SORCS3: variants seen among roughly 807,000 people sequenced by gnomAD.
SORCS3 encodes the protein VPS10 domain-containing receptor SorCS3.
Under a neutral mutation model 146.3 loss-of-function variants are expected in SORCS3, and 57 were observed. That is an observed-to-expected ratio of 0.39 (90% CI 0.31 to 0.49). The LOEUF is 0.49. SORCS3 is among the 20% of genes least tolerant of loss of function. The pLI, the probability that SORCS3 is intolerant of heterozygous loss-of-function variation, is 0.92. For synonymous variants in SORCS3, 653 were observed against 618.5 expected, an observed-to-expected ratio of 1.06 and a Z score of -0.83; for missense variants, 1,341 against 1,575.5, an observed-to-expected ratio of 0.85 and a Z score of 2.52.
intron 2 of SORCS3, among the ~76,000 whole-genome samples, chr10:104,906,837 C>A (rs1564710511): frequency 6.6e-6 from 1 of 152,170 alleles, no homozygotes; most frequent in Non-Finnish European, 1.5e-5. Flanking sequence ...CTTGGATACA[C>A]TTTTGTTTGA....
chr10:105,147,774 A>G lies in SORCS3; in HGVS notation c.1460A>G (p.Asn487Ser), dbSNP rs372314833. The G allele has an allele frequency of 6.2e-7, 1 of 1,612,246 alleles. No homozygotes were observed. Among genetic ancestry groups the G allele is most frequent in the South Asian group, 1.1e-5 (1 of 90,904 alleles). ...AAGAGCAGCAGAGGTCTAATGGGGA[A>G]CATCATTATTGAATTGTATGAGGTA... ...NIKSSRGLMG[N>S]IIIELYEVAG... The change falls in exon 9 of 27, where the codon AAC becomes AGC. Residue 487 changes from asparagine (N) to serine (S), a missense_variant. Physicochemically the swap from Asn to Ser is conservative, Grantham distance 46. Coordinates refer to ENST00000369701, the MANE Select transcript of SORCS3 (RefSeq NM_014978.3).
At chr10:105,118,781 T>C (rs1478825969) in intron 7 of SORCS3, among the ~76,000 whole-genome samples, 3 of 152,162 alleles carry the variant, frequency 2.0e-5, no homozygotes, top group African/African-American at 7.2e-5. Flanking sequence ...TGGAGATCTG[T>C]GGAACTTTGA....
At chr10:104,690,823 C>G (rs529723463) in intron 1 of SORCS3, among the ~76,000 whole-genome samples, 20 of 48,702 alleles carry the variant, frequency 4.1e-4, no homozygotes, top group African/African-American at 8.0e-4. Flanking sequence ...CAGGCAAGAC[C>G]CTGATAGCAA....
At chr10:104,907,335 G>T (rs1206217116) in intron 2 of SORCS3, among the ~76,000 whole-genome samples, 1 of 152,108 alleles carries the variant, frequency 6.6e-6, no homozygotes, top group Non-Finnish European at 1.5e-5. Context: ...TGCCTGATAG[G>T]TTAGAGTTTT....
At chr10:104,914,120 C>T (rs765741495) in intron 2 of SORCS3, among the ~76,000 whole-genome samples, 23 of 152,254 alleles carry the variant, frequency 1.5e-4, no homozygotes, top group Non-Finnish European at 2.6e-4. Flanking sequence ...AAATAACTTG[C>T]ACATGGTCAT....
At chr10:105,087,120 G>A (rs1261055740) in intron 5 of SORCS3, among the ~76,000 whole-genome samples, 5 of 152,164 alleles carry the variant, frequency 3.3e-5, no homozygotes, top group Non-Finnish European at 5.9e-5. Context: ...GTGTAAGGAA[G>A]GGGTTCAGTT....
chr10:104,684,801 T>G (rs1473734088), intron 1 of SORCS3, among the ~76,000 whole-genome samples: 2 of 27,974 alleles, frequency 7.1e-5, no homozygotes, highest in Non-Finnish European at 1.3e-4. Flanking sequence ...TTTTTTTTTT[T>G]TTTTTTTTTT....
chr10:104,980,810 A>G (rs2054927671), intron 4 of SORCS3, among the ~76,000 whole-genome samples: 1 of 152,218 alleles, frequency 6.6e-6, no homozygotes, highest in African/African-American at 2.4e-5. Flanking sequence ...CCAAAGCTAC[A>G]GAAGACTTGC....
intron 18 of SORCS3, 22 bp from the exon 19 acceptor site, chr10:105,216,914 C>T (rs371854591): frequency 1.4e-5 from 22 of 1,613,326 alleles, no homozygotes; most frequent in Middle Eastern, 1.6e-4. Context: ...TAAATTGACC[C>T]GTCTGCTATG....
At chr10:104,740,702 A>G (rs1451200036) in intron 1 of SORCS3, among the ~76,000 whole-genome samples, 1 of 152,004 alleles carries the variant, frequency 6.6e-6, no homozygotes, top group Non-Finnish European at 1.5e-5. Flanking sequence ...AAAGACACTT[A>G]TTTTTTTGTT....
At chr10:104,725,917 C>T (rs531994192) in intron 1 of SORCS3, among the ~76,000 whole-genome samples, 28 of 152,358 alleles carry the variant, frequency 1.8e-4, no homozygotes, top group South Asian at 8.3e-4. Context: ...TGACCCCTTG[C>T]GCTTCCCGGG....
intron 3 of SORCS3, among the ~76,000 whole-genome samples, chr10:104,923,885 T>C (rs61867344): frequency 1.3e-5 from 2 of 152,168 alleles, no homozygotes; most frequent in African/African-American, 4.8e-5. Flanking sequence ...ATGACAATGA[T>C]AGTAAAAATA....
At chr10:105,073,919 G>A (rs1409066286) in intron 5 of SORCS3, among the ~76,000 whole-genome samples, 1 of 152,098 alleles carries the variant, frequency 6.6e-6, no homozygotes, top group African/African-American at 2.4e-5. Context: ...TGTCCGAGAA[G>A]CCATGAAGTA....
At chr10:104,793,101 A>C (rs2017513371) in intron 1 of SORCS3, among the ~76,000 whole-genome samples, 1 of 152,238 alleles carries the variant, frequency 6.6e-6, no homozygotes, top group Non-Finnish European at 1.5e-5. Flanking sequence ...TTGTCACTTT[A>C]AAATTGAGTC....
chr10:105,242,754 TTATATTTTA>T (rs1419716925), intron 20 of SORCS3, among the ~76,000 whole-genome samples: 3 of 104,694 alleles, frequency 2.9e-5, no homozygotes, highest in African/African-American at 4.0e-5. Context: ...TTATATATAT[TTATATTTTA>T]TATATTTTAT....
In SORCS3 at chr10:104,882,989, G is replaced by C. The variant is rs567758671; in HGVS notation, c.696-32844G>C. Among the ~76,000 whole-genome samples, 24 of 152,208 alleles carry C rather than the reference G, an allele frequency of 1.6e-4. 1 individual carries two copies. Among genetic ancestry groups the C allele is most frequent in the Admixed American group, 5.2e-4 (8 of 15,278 alleles). On this transcript the variant is annotated intron_variant, in intron 2 of 26. Coordinates refer to ENST00000369701, the MANE Select transcript of SORCS3 (RefSeq NM_014978.3). ...AGGAGACTAACATTATGGAATCACA[G>C]GGAGGAAGGACACACATTTTAAGGT...
chr10:104,877,425 C>A (rs1251692685), intron 2 of SORCS3, among the ~76,000 whole-genome samples: 1 of 152,106 alleles, frequency 6.6e-6, no homozygotes, highest in South Asian at 2.1e-4. Context: ...AAAGTGGATA[C>A]ACTTACAGTG....
intron 7 of SORCS3, among the ~76,000 whole-genome samples, chr10:105,134,555 G>GAA (rs71022755): frequency 3.5e-4 from 46 of 130,554 alleles, no homozygotes; most frequent in Middle Eastern, 4.0e-3. Context: ...GGACAAAAAG[G>GAA]AAAAAAAAAA....
At chr10:105,034,543 T>A (rs1483220961) in intron 4 of SORCS3, among the ~76,000 whole-genome samples, 1 of 152,088 alleles carries the variant, frequency 6.6e-6, no homozygotes, top group Non-Finnish European at 1.5e-5. Flanking sequence ...AATCACTCTA[T>A]TTCATAGGGT....
Sources: allele counts gnomAD v4.1 joint callset (sites outside exome capture counted in the v4.1 genomes callset), GRCh38; gene constraint gnomAD v4.1.1; transcripts MANE v1.5; gene names NCBI Gene and HGNC (gene_info 2026-07-23, HGNC 2026-07-21).